Variants in METTL15 observed in about 807,000 individuals in gnomAD.
The protein encoded by METTL15 is methyltransferase 15, mitochondrial 12S rRNA N4-cytidine, also known as 12S rRNA N(4)-cytidine methyltransferase METTL15.
In METTL15, 34 loss-of-function variants were observed where a neutral mutation model predicts 38.3. The ratio of observed to expected loss-of-function variants is 0.89; its 90% CI spans 0.68 to 1.18. METTL15 has a LOEUF of 1.18. Among genes scored for constraint, METTL15 ranks in the 50% most tolerant of loss-of-function variants. METTL15 has a pLI of 0.00. For missense variants in METTL15, 438 were observed against 498.4 expected (o/e 0.88, Z 1.15); for synonymous variants, 162 against 170.9 (o/e 0.95, Z 0.41).
At chr11:28,272,205 A>G (rs1855670877) in intron 4 of METTL15, among the ~76,000 whole-genome samples, 1 of 152,184 alleles carries the variant, frequency 6.6e-6, no homozygotes. Context: ...TGACCCAGCA[A>G]TCCCATTACT....
intron 6 of METTL15, among the ~76,000 whole-genome samples, chr11:28,498,483 A>C (rs901364347): frequency 6.6e-6 from 1 of 152,174 alleles, no homozygotes; most frequent in African/African-American, 2.4e-5. Context: ...TCAGGGATCT[A>C]ACAGAGAAGC....
intron 5 of METTL15, among the ~76,000 whole-genome samples, chr11:28,420,232 A>G (rs969476666): frequency 6.6e-6 from 1 of 152,200 alleles, no homozygotes; most frequent in Non-Finnish European, 1.5e-5. Context: ...AAATACCATT[A>G]GAGCTAAAGA....
intron 6 of METTL15, among the ~76,000 whole-genome samples, chr11:28,465,452 TC>T (rs1400416941): frequency 1.3e-5 from 2 of 152,182 alleles, no homozygotes; most frequent in African/African-American, 4.8e-5. Context: ...TTGCCTAGTT[TC>T]CCTTCTGACT....
At position 28,371,837 on chromosome 11, in the gene METTL15, G is replaced by C. The variant is rs1850246214; in HGVS notation, c.*358+9801G>C. Among the ~76,000 whole-genome samples the C allele has an allele frequency of 1.3e-5, 2 of 151,930 alleles. 1 individual carries two copies. The highest frequency in any genetic ancestry group is 4.1e-4 in the South Asian group (2 of 4,822). On this transcript the variant is annotated intron_variant and NMD_transcript_variant, in intron 5 of 7. Transcript: ENST00000532947. ...CAAATGCTACTGATTTTTGTATATT[G>C]ATTTTGTTTACTGCAACTTTACTGA...
rs75551291 is a variant in METTL15 at position 28,428,666 on chromosome 11, G to A, written c.*424+4302G>A. On this transcript the variant is annotated intron_variant and NMD_transcript_variant, in intron 6 of 7. Transcript: ENST00000532947. ...CTAACACTAACATGGACTCTGGGAG[G>A]CACTTTGCTCTATATCTGACATAGG... Among the ~76,000 whole-genome samples the A allele has an allele frequency of 7.0e-4, 107 of 152,242 alleles. 2 individuals are homozygous for A. In the East Asian group the frequency reaches 0.014, roughly 21 times the overall value.
chr11:28,129,024 G>T (rs1852624686), intron 3 of METTL15, among the ~76,000 whole-genome samples: 1 of 151,804 alleles, frequency 6.6e-6, no homozygotes, highest in African/African-American at 2.4e-5. Context: ...TGTTTACATG[G>T]TCCTTTTGTT....
In METTL15 at chr11:28,149,231, G is replaced by A. The variant is rs184724113; in HGVS notation, c.270+35627G>A. On this transcript the variant is annotated intron_variant, in intron 3 of 6. Coordinates refer to ENST00000407364, the MANE Select transcript of METTL15 (RefSeq NM_001113528.2). Reference sequence around the variant, plus strand: ...GCCATTTCTACTTTGAGGAACCTATGTAATAGGATTTTTCTGATAATTAGA... The same window carrying A: ...GCCATTTCTACTTTGAGGAACCTATATAATAGGATTTTTCTGATAATTAGA... Among the ~76,000 whole-genome samples, 27 of 148,726 alleles carry A rather than the reference G, an allele frequency of 1.8e-4. No individual in the cohort carries two copies. The South Asian group carries it at 3.8e-3, about 21-fold the overall frequency.
At chr11:28,148,533 A>G (rs536562689) in intron 3 of METTL15, among the ~76,000 whole-genome samples, 67 of 152,050 alleles carry the variant, frequency 4.4e-4, no homozygotes, top group Non-Finnish European at 9.1e-4. Context: ...TTAATTCTGT[A>G]ATATTGGGTC....
chr11:28,117,410 C>A (rs1421141529), intron 3 of METTL15, among the ~76,000 whole-genome samples: 3 of 151,602 alleles, frequency 2.0e-5, no homozygotes, highest in African/African-American at 7.3e-5. Context: ...ACCCTAGTAA[C>A]AAAGCCAAAT....
At chr11:28,344,761 A>T (rs1394254441) in intron 3 of METTL15, among the ~76,000 whole-genome samples, 1 of 152,210 alleles carries the variant, frequency 6.6e-6, no homozygotes, top group African/African-American at 2.4e-5. Context: ...AGATTAAGTG[A>T]TGTCTGAGGA....
chr11:28,110,728 T>A (rs1440180310), intron 2 of METTL15, among the ~76,000 whole-genome samples: 3 of 152,198 alleles, frequency 2.0e-5, no homozygotes, highest in African/African-American at 7.2e-5. Context: ...CAGACAAAAT[T>A]GACTGCAATG....
At chr11:28,429,421 G>A (rs1209883562) in intron 6 of METTL15, among the ~76,000 whole-genome samples, 1 of 106,624 alleles carries the variant, frequency 9.4e-6, no homozygotes, top group Non-Finnish European at 1.8e-5. Context: ...ATGCGGAGCC[G>A]AAGCTGGACT....
chr11:28,418,049 C>T (rs547682612), intron 5 of METTL15, among the ~76,000 whole-genome samples: 62 of 152,202 alleles, frequency 4.1e-4, no homozygotes, highest in African/African-American at 1.4e-3. Context: ...GTGGGGGATC[C>T]GGTTTGGAGT....
intron 3 of METTL15, among the ~76,000 whole-genome samples, chr11:28,159,856 G>A (rs1850392751): frequency 1.3e-5 from 2 of 152,132 alleles, no homozygotes; most frequent in African/African-American, 2.4e-5. Context: ...CAGGAGATGT[G>A]TATGAGTTCA....
At chr11:28,488,354 A>G (rs1052994592) in intron 6 of METTL15, among the ~76,000 whole-genome samples, 2 of 152,130 alleles carry the variant, frequency 1.3e-5, no homozygotes, top group Admixed American at 6.6e-5. Context: ...CTATTCTTAT[A>G]TTTATTTAAA....
chr11:28,112,697 G>A (rs769878599), intron 2 of METTL15, among the ~76,000 whole-genome samples: 25 of 152,172 alleles, frequency 1.6e-4, no homozygotes, highest in Admixed American at 9.2e-4. Context: ...TACAGTCATA[G>A]TTTAAACTGA....
intron 4 of METTL15, among the ~76,000 whole-genome samples, chr11:28,286,886 A>G (rs758973042): frequency 1.3e-5 from 2 of 151,836 alleles, no homozygotes; most frequent in Non-Finnish European, 2.9e-5. Flanking sequence ...ACACACGCAC[A>G]CACAGACTAT....
At chr11:28,243,907 A>T (rs1226578066) in intron 4 of METTL15, among the ~76,000 whole-genome samples, 3 of 152,174 alleles carry the variant, frequency 2.0e-5, no homozygotes, top group South Asian at 2.1e-4. Flanking sequence ...TTGTTATATT[A>T]GTGATTTTGT....
chr11:28,431,184 C>T lies in METTL15; in HGVS notation c.*424+6820C>T, dbSNP rs569460577. Among the ~76,000 whole-genome samples, 39 of 111,592 alleles carry T rather than the reference C, an allele frequency of 3.5e-4. 4 individuals carry two copies. Among genetic ancestry groups the T allele is most frequent in the African/African-American group, 1.1e-3 (38 of 35,762 alleles). The allele number at this position is 111,592 out of a possible 152,430, so 73.2% of individuals were successfully genotyped here. ...GGGGTCAGCCCCCTGCCCGGCCATC[C>T]GCCCCGTCCGGGAGGTGAGGGGCGC... is the stretch of plus-strand genomic sequence containing the variant. On this transcript the variant is annotated intron_variant and NMD_transcript_variant, in intron 6 of 7. Coordinates refer to the METTL15 transcript ENST00000532947.
Sources: gnomAD v4.1 joint callset for allele counts (sites outside exome capture counted in the v4.1 genomes callset) on GRCh38, gnomAD v4.1.1 for gene constraint, MANE v1.5 for transcripts, NCBI Gene and HGNC (gene_info 2026-07-23, HGNC 2026-07-21) for gene names.